SIPA1L1: variants seen among roughly 807,000 people sequenced by gnomAD.
SIPA1L1 encodes the protein signal-induced proliferation-associated 1-like protein 1.
A neutral mutation model predicts 162.7 loss-of-function variants in SIPA1L1; 26 were observed. The observed-to-expected ratio is 0.16, with a 90% CI of 0.12 to 0.22. The LOEUF is 0.22. Among genes scored for constraint, SIPA1L1 ranks in the 10% least tolerant of loss-of-function variants. SIPA1L1 has a pLI of 1.00. For missense variants in SIPA1L1, 1,874 were observed against 2,241.0 expected (o/e 0.84, Z 3.31); for synonymous variants, 829 against 837.4 (o/e 0.99, Z 0.17).
chr14:71,726,225 C>T (rs555064801), intron 19 of SIPA1L1, among the ~76,000 whole-genome samples: 5 of 152,090 alleles, frequency 3.3e-5, no homozygotes, highest in Admixed American at 1.3e-4. Flanking sequence ...CTGTAATTTC[C>T]GTCTCATAAG....
intron 7 of SIPA1L1, among the ~76,000 whole-genome samples, chr14:71,638,085 A>G (rs948689321): frequency 1.3e-5 from 2 of 152,224 alleles, no homozygotes; most frequent in Non-Finnish European, 1.5e-5. Flanking sequence ...TCCAAAAATG[A>G]AATCTACTGG....
intron 2 of SIPA1L1, among the ~76,000 whole-genome samples, chr14:71,487,395 G>C (rs2048858046): frequency 6.6e-6 from 1 of 152,174 alleles, no homozygotes; most frequent in Non-Finnish European, 1.5e-5. Flanking sequence ...AACAGTGCCT[G>C]ACTTCTCATA....
chr14:71,557,482 T>C (rs1302003222), intron 4 of SIPA1L1, among the ~76,000 whole-genome samples: 1 of 152,232 alleles, frequency 6.6e-6, no homozygotes, highest in East Asian at 1.9e-4. Flanking sequence ...CAGGTTGTAT[T>C]TTTGTAGTTC....
intron 2 of SIPA1L1, among the ~76,000 whole-genome samples, chr14:71,359,864 A>C (rs2037633234): frequency 6.6e-6 from 1 of 152,248 alleles, no homozygotes; most frequent in Non-Finnish European, 1.5e-5. Context: ...AATCGAGAGT[A>C]CTAAATGATA....
At chr14:71,525,994 A>G (rs1226528579) in intron 3 of SIPA1L1, among the ~76,000 whole-genome samples, 3 of 152,132 alleles carry the variant, frequency 2.0e-5, no homozygotes, top group African/African-American at 7.2e-5. Flanking sequence ...CTCAAGTCCT[A>G]CATGAAACTT....
intron 2 of SIPA1L1, among the ~76,000 whole-genome samples, chr14:71,509,670 G>A (rs1404327943): frequency 6.6e-6 from 1 of 151,834 alleles, no homozygotes; most frequent in Non-Finnish European, 1.5e-5. Context: ...CTTGAACCCG[G>A]GAGGCGGAGG....
At chr14:71,469,178 T>C (rs2047254038) in intron 2 of SIPA1L1, among the ~76,000 whole-genome samples, 1 of 151,484 alleles carries the variant, frequency 6.6e-6, no homozygotes, top group Non-Finnish European at 1.5e-5. Flanking sequence ...TCTGAGACCT[T>C]ACCCATCCGC....
chr14:71,419,459 A>G (rs1427574756), intron 2 of SIPA1L1, among the ~76,000 whole-genome samples: 1 of 148,204 alleles, frequency 6.7e-6, no homozygotes, highest in Admixed American at 6.7e-5. Context: ...CTGTAATTTG[A>G]AAGGCTCAAG....
At chr14:71,714,177 AGC>A (rs1283879181) in intron 17 of SIPA1L1, among the ~76,000 whole-genome samples, 1 of 152,174 alleles carries the variant, frequency 6.6e-6, no homozygotes, top group Non-Finnish European at 1.5e-5. Flanking sequence ...ATTTGGCCTA[AGC>A]GATCTTGCCA....
chr14:71,550,886 A>G (rs1181398755), intron 4 of SIPA1L1, among the ~76,000 whole-genome samples: 1 of 152,146 alleles, frequency 6.6e-6, no homozygotes, highest in Non-Finnish European at 1.5e-5. Context: ...TTCTATCTCT[A>G]CAAAAAATAA....
chr14:71,429,043 G>A (rs1358109838), intron 2 of SIPA1L1, among the ~76,000 whole-genome samples: 1 of 152,138 alleles, frequency 6.6e-6, no homozygotes, highest in African/African-American at 2.4e-5. Flanking sequence ...ACAGATTCCT[G>A]ATACTTGCTA....
chr14:71,595,228 C>T (rs1211611613), intron 5 of SIPA1L1, among the ~76,000 whole-genome samples: 2 of 152,204 alleles, frequency 1.3e-5, no homozygotes, highest in Admixed American at 1.3e-4. Context: ...AAGAGCCAGT[C>T]ATATAAAAAC....
At chr14:71,346,725 G>A (rs1274590706) in intron 2 of SIPA1L1, among the ~76,000 whole-genome samples, 1 of 152,148 alleles carries the variant, frequency 6.6e-6, no homozygotes, top group African/African-American at 2.4e-5. Context: ...TATACAGTTA[G>A]CCCATTTAAA....
At chr14:71,625,907 C>G (rs776382202) in intron 7 of SIPA1L1, among the ~76,000 whole-genome samples, 1 of 152,126 alleles carries the variant, frequency 6.6e-6, no homozygotes, top group African/African-American at 2.4e-5. Context: ...TACTTGTAGA[C>G]ATTATGGGGA....
At chr14:71,732,422 A>G (rs1246998051) in intron 20 of SIPA1L1, among the ~76,000 whole-genome samples, 1 of 151,976 alleles carries the variant, frequency 6.6e-6, no homozygotes, top group East Asian at 1.9e-4. Context: ...GCTTCTGCCT[A>G]CTGAGGGCAT....
intron 10 of SIPA1L1, among the ~76,000 whole-genome samples, chr14:71,669,044 C>T (rs775866163): frequency 1.3e-5 from 2 of 152,124 alleles, no homozygotes; most frequent in South Asian, 2.1e-4. Context: ...GAAACCTTGC[C>T]AGTTTGATTT....
At position 71,643,807 on chromosome 14, in the gene SIPA1L1, G is replaced by T. The variant is rs1241431621; in HGVS notation, c.1819-6528G>T. On this transcript the variant is annotated intron_variant, in intron 7 of 23. Coordinates refer to ENST00000381232, the MANE Select transcript of SIPA1L1 (RefSeq NM_001386936.1). ...AAACTCAACAAGTGGTAGTTTTTGTGTGTGTGTTTTTTTCTTTTGAAATGG... is the reference window on the plus strand; with the variant it reads ...AAACTCAACAAGTGGTAGTTTTTGTTTGTGTGTTTTTTTCTTTTGAAATGG... Among the ~76,000 whole-genome samples, 8 of 152,134 alleles carry T rather than the reference G, an allele frequency of 5.3e-5. No homozygotes were observed. The East Asian group carries it at 7.7e-4, about 15-fold the overall frequency.
At chr14:71,484,206 A>G (rs1314290818) in intron 2 of SIPA1L1, among the ~76,000 whole-genome samples, 1 of 150,772 alleles carries the variant, frequency 6.6e-6, no homozygotes, top group Non-Finnish European at 1.5e-5. Flanking sequence ...CTGAGAGGAC[A>G]CTGTTGCTTA....
intron 2 of SIPA1L1, among the ~76,000 whole-genome samples, chr14:71,350,460 T>C (rs1238395258): frequency 6.6e-6 from 1 of 152,142 alleles, no homozygotes; most frequent in Non-Finnish European, 1.5e-5. Flanking sequence ...CCTTACCCGA[T>C]TGGCCACTGA....
Sources: gnomAD v4.1 joint callset for allele counts (sites outside exome capture counted in the v4.1 genomes callset) on GRCh38, gnomAD v4.1.1 for gene constraint, MANE v1.5 for transcripts, NCBI Gene and HGNC (gene_info 2026-07-23, HGNC 2026-07-21) for gene names.